Variants in LRRTM4 observed in about 807,000 individuals in gnomAD.
The protein encoded by LRRTM4 is leucine-rich repeat transmembrane neuronal protein 4.
Under a neutral mutation model 47.6 loss-of-function variants are expected in LRRTM4, and 25 were observed. The observed-to-expected ratio is 0.53, with a 90% CI of 0.38 to 0.73. The LOEUF is 0.73. Among genes scored for constraint, LRRTM4 ranks in the 30% least tolerant of loss-of-function variants. The probability of loss-of-function intolerance (pLI) is 0.00; values close to 1 mark genes in which losing one functional copy is unlikely to be tolerated. For missense variants in LRRTM4, 638 were observed against 713.4 expected (o/e 0.89, Z 1.20); for synonymous variants, 311 against 269.5 (o/e 1.15, Z -1.51).
intron 3 of LRRTM4, among the ~76,000 whole-genome samples, chr2:76,896,270 G>T (rs17013313): frequency 0.096 from 14,622 of 151,660 alleles, 1,149 homozygotes; most frequent in East Asian, 0.41. Flanking sequence ...CCACATATTG[G>T]GTCCAAATGA....
chr2:77,060,614 T>A (rs1436246327), intron 3 of LRRTM4, among the ~76,000 whole-genome samples: 1 of 152,144 alleles, frequency 6.6e-6, no homozygotes, highest in Non-Finnish European at 1.5e-5. Flanking sequence ...TAAAATATAG[T>A]GTGCAATATT....
In LRRTM4 at chr2:76,883,253, A is replaced by G. The variant is rs1281384036; in HGVS notation, c.1552-134337T>C. Among the ~76,000 whole-genome samples the G allele has an allele frequency of 5.3e-5, 8 of 152,300 alleles. No homozygotes were observed. In the South Asian group the frequency reaches 1.5e-3, roughly 28 times the overall value. ...GCCAGCCTACTTGTATTGTGTGTTT[A>G]ATCAGTCTGTGCTAGTATGAGCCCC... On this transcript the variant is annotated intron_variant, in intron 3 of 3. Transcript: ENST00000409884.
intron 3 of LRRTM4, among the ~76,000 whole-genome samples, chr2:77,038,489 A>C (rs998787985): frequency 2.6e-5 from 4 of 151,548 alleles, no homozygotes; most frequent in African/African-American, 7.3e-5. Flanking sequence ...GAGTCTATGA[A>C]GTAATATTTT....
intron 3 of LRRTM4, among the ~76,000 whole-genome samples, chr2:77,328,308 C>T (rs1310720533): frequency 2.0e-5 from 3 of 152,176 alleles, no homozygotes; most frequent in African/African-American, 4.8e-5. Context: ...CATAAAAGCA[C>T]TGCTCTGGCA....
intron 3 of LRRTM4, among the ~76,000 whole-genome samples, chr2:77,250,392 A>C (rs935989326): frequency 4.6e-5 from 7 of 152,182 alleles, no homozygotes; most frequent in African/African-American, 1.7e-4. Flanking sequence ...AAAAAGGGGA[A>C]CATATGCATA....
rs141092116 is a variant in LRRTM4, at chr2:77,471,463, T to A, written c.1551+46855A>T. On this transcript the variant is annotated intron_variant, in intron 3 of 3. Coordinates refer to ENST00000409884, the MANE Select transcript of LRRTM4 (RefSeq NM_001134745.3). ...TTCTTCACAAAGCCCAGATGACTTATTGATTATGTCACTCATCTTCTCACA... is the reference window on the plus strand; with the variant it reads ...TTCTTCACAAAGCCCAGATGACTTAATGATTATGTCACTCATCTTCTCACA... Among the ~76,000 whole-genome samples the A allele has an allele frequency of 5.9e-5, 9 of 152,266 alleles. 1 individual carries two copies. The highest frequency in any genetic ancestry group is 2.2e-4 in the African/African-American group (9 of 41,574).
Position 77,061,015 on chromosome 2 carries a change from G to C in LRRTM4, c.1552-312099C>G, listed in dbSNP as rs146120242. ...CACAACAGTTTACTAGAATACCATA[G>C]AAAGCTATCATTTGGAGTAAAAAAT... On this transcript the variant is annotated intron_variant, in intron 3 of 3. Coordinates refer to ENST00000409884, the MANE Select transcript of LRRTM4 (RefSeq NM_001134745.3). Among the ~76,000 whole-genome samples the C allele has an allele frequency of 1.3e-3, 191 of 151,540 alleles. 1 individual carries two copies. Among genetic ancestry groups the C allele is most frequent in the Non-Finnish European group, 1.5e-3 (100 of 67,894 alleles).
intron 3 of LRRTM4, among the ~76,000 whole-genome samples, chr2:76,932,289 C>T (rs759796645): frequency 6.6e-6 from 1 of 152,072 alleles, no homozygotes; most frequent in Non-Finnish European, 1.5e-5. Context: ...ACAGGTTCTA[C>T]CATTATTTGA....
At chr2:77,297,393 A>T (rs1424242901) in intron 3 of LRRTM4, among the ~76,000 whole-genome samples, 1 of 152,242 alleles carries the variant, frequency 6.6e-6, no homozygotes, top group Non-Finnish European at 1.5e-5. Flanking sequence ...ATTATTTTAT[A>T]GTCACTATGC....
At chr2:76,794,370 TTGGGTATACCAC>T (rs1307235945) in intron 3 of LRRTM4, among the ~76,000 whole-genome samples, 5 of 152,178 alleles carry the variant, frequency 3.3e-5, no homozygotes, top group Non-Finnish European at 5.9e-5. Flanking sequence ...AAACAAAGGA[TTGGGTATACCAC>T]TACAGTCCCT....
chr2:77,207,372 T>TACAC lies in LRRTM4; in HGVS notation c.1551+310942_1551+310945dup, dbSNP rs66858623. Among the ~76,000 whole-genome samples the TACAC allele has an allele frequency of 1.8e-3, 242 of 131,052 alleles. 4 individuals are homozygous for TACAC. The South Asian group carries it at 0.02, about 11-fold the overall frequency. 86.0% of individuals were successfully genotyped at this position (131,052 alleles called of 152,430 possible). A position where few individuals can be genotyped will look rare whatever the true frequency, so the allele number is the denominator to read the frequency against. ...GTGTATATATATATATATATATATATACACACACACATATTTATATACACA... is the reference window on the plus strand; with the variant it reads ...GTGTATATATATATATATATATATATACACACACACACACATATTTATATACACA... On this transcript the variant is annotated intron_variant, in intron 3 of 3. Transcript: ENST00000409884.
At chr2:76,973,472 G>A (rs1676291869) in intron 3 of LRRTM4, among the ~76,000 whole-genome samples, 1 of 151,858 alleles carries the variant, frequency 6.6e-6, no homozygotes, top group African/African-American at 2.4e-5. Context: ...CTTTCCTGAA[G>A]GTAGACATGC....
chr2:77,177,599 G>A (rs1673235429), intron 3 of LRRTM4, among the ~76,000 whole-genome samples: 2 of 152,156 alleles, frequency 1.3e-5, no homozygotes, highest in South Asian at 4.1e-4. Flanking sequence ...CCATAGTCAT[G>A]AAGAGGTGGT....
intron 3 of LRRTM4, among the ~76,000 whole-genome samples, chr2:77,366,535 A>G (rs1672470551): frequency 6.6e-6 from 1 of 151,492 alleles, no homozygotes; most frequent in South Asian, 2.1e-4. Flanking sequence ...AGCCCAGACT[A>G]CTCCTAAAAG....
rs1397300900 is a variant in LRRTM4 at position 76,783,477 on chromosome 2, C to T, written c.1552-34561G>A. ...TTACATTGTTGTGCCACATCATGAC[C>T]ATCTACCTCCAGAACTCTTCATCTC... On this transcript the variant is annotated intron_variant, in intron 3 of 3. Coordinates refer to ENST00000409884, the MANE Select transcript of LRRTM4 (RefSeq NM_001134745.3). Among the ~76,000 whole-genome samples, 8 of 152,104 alleles carry T rather than the reference C, an allele frequency of 5.3e-5. No individual in the cohort carries two copies. The East Asian group carries it at 9.7e-4, about 18-fold the overall frequency.
chr2:77,112,633 C>CT (rs34708943), intron 3 of LRRTM4, among the ~76,000 whole-genome samples: 12,009 of 145,916 alleles, frequency 0.082, 568 homozygotes, highest in East Asian at 0.23. Context: ...GTATAATAAG[C>CT]TTTTTTTTTT....
At chr2:76,776,221 T>G (rs915385090) in intron 3 of LRRTM4, among the ~76,000 whole-genome samples, 4 of 152,212 alleles carry the variant, frequency 2.6e-5, no homozygotes, top group African/African-American at 9.7e-5. Flanking sequence ...TAAACATACA[T>G]GTGCATGTGT....
chr2:77,251,167 A>ATG (rs1184888941), intron 3 of LRRTM4, among the ~76,000 whole-genome samples: 3 of 34,360 alleles, frequency 8.7e-5, no homozygotes, highest in South Asian at 7.6e-4. Context: ...ATACATATAT[A>ATG]TGTGTGTGTG....
At chr2:76,903,483 C>A (rs1156750795) in intron 3 of LRRTM4, among the ~76,000 whole-genome samples, 1 of 152,040 alleles carries the variant, frequency 6.6e-6, no homozygotes, top group African/African-American at 2.4e-5. Flanking sequence ...GTGTAGTGAG[C>A]CGAGATTGCA....
Sources: gnomAD v4.1 joint callset for allele counts (sites outside exome capture counted in the v4.1 genomes callset) on GRCh38, gnomAD v4.1.1 for gene constraint, MANE v1.5 for transcripts, NCBI Gene and HGNC (gene_info 2026-07-23, HGNC 2026-07-21) for gene names.